TTC19: variants seen among roughly 807,000 people sequenced by gnomAD.
TTC19 encodes the protein tetratricopeptide repeat domain 19.
A neutral mutation model predicts 49.5 loss-of-function variants in TTC19; 38 were observed. The ratio of observed to expected loss-of-function variants is 0.77; its 90% CI spans 0.59 to 1.01. TTC19 has a LOEUF of 1.01. Among genes scored for constraint, TTC19 ranks in the 50% least tolerant of loss-of-function variants. The pLI is 0.00. For synonymous variants in TTC19, 204 were observed against 185.2 expected (o/e 1.10, Z -0.83); for missense variants, 475 against 477.7 (o/e 0.99, Z 0.05).
chr17:16,003,045 A>G (rs1970789197), intron 4 of TTC19, among the ~76,000 whole-genome samples: 2 of 152,220 alleles, frequency 1.3e-5, no homozygotes, highest in South Asian at 4.1e-4. Flanking sequence ...TCTCTGATCC[A>G]GAAGTCCAGG....
chr17:16,029,224 G>C lies in TTC19; in HGVS notation c.*1702G>C. ...CCACAGTGACTCAGCTCATGGTCTC[G>C]TTGTTGGAAACACTAGGAGTTTTCA... is the stretch of plus-strand genomic sequence containing the variant. On this transcript the variant is annotated 3_prime_UTR_variant, in exon 10 of 10. Transcript: ENST00000261647. The C allele has an allele frequency of 4.4e-6, 2 of 453,702 alleles. No homozygotes were observed. Among genetic ancestry groups the C allele is most frequent in the South Asian group, 3.1e-5 (2 of 64,402 alleles). 28.1% of individuals were successfully genotyped at this position (453,702 alleles called of 1,614,324 possible).
intron 2 of TTC19, chr17:16,039,398 A>G (rs1405033895): frequency 6.3e-7 from 1 of 1,596,042 alleles, no homozygotes; most frequent in African/African-American, 1.3e-5. Flanking sequence ...TTTTTGGGGA[A>G]AAGCAGCAGA....
At chr17:16,000,341 A>G (rs1248339777) in intron 2 of TTC19, 96 bp downstream of exon 2, 1 of 1,546,420 alleles carries the variant, frequency 6.5e-7, no homozygotes. Flanking sequence ...GCCTCGCCGA[A>G]GAGTGGATGG....
At chr17:16,008,260 G>T (rs796781499) in intron 7 of TTC19, among the ~76,000 whole-genome samples, 1 of 152,138 alleles carries the variant, frequency 6.6e-6, no homozygotes, top group Non-Finnish European at 1.5e-5. Context: ...ATCTTGACTT[G>T]AAGTCTAATG....
At chr17:16,024,020 T>A (rs993038092) in intron 7 of TTC19, 9 of 152,246 alleles carry the variant, frequency 5.9e-5, no homozygotes, top group African/African-American at 2.2e-4. Flanking sequence ...TACCTCCTGC[T>A]GAGTTGTTGG....
intron 4 of TTC19, 73 bp downstream of exon 4, chr17:16,002,904 C>T (rs916788691): frequency 2.9e-5 from 40 of 1,367,642 alleles, no homozygotes; most frequent in African/African-American, 2.0e-4. Flanking sequence ...AGTAAGAGTA[C>T]AGGCTAAGCT....
chr17:16,042,857 G>C (rs1036490121), intron 2 of TTC19, among the ~76,000 whole-genome samples: 2 of 152,214 alleles, frequency 1.3e-5, no homozygotes, highest in African/African-American at 4.8e-5. Flanking sequence ...GGTCTGCAAA[G>C]ATATGTAAGT....
downstream of TTC19, chr17:16,032,500 T>A (rs566589378): frequency 1.3e-6 from 2 of 1,561,452 alleles, no homozygotes; most frequent in South Asian, 2.4e-5. Flanking sequence ...AAAGAAAAAT[T>A]AGGTTTTCAT....
intron 2 of TTC19, chr17:16,040,584 T>G: frequency 9.2e-7 from 1 of 1,087,562 alleles, no homozygotes. Context: ...ATAAAATTAA[T>G]CTTTTTATTT....
At chr17:16,003,536 T>C (rs764191494) in intron 4 of TTC19, among the ~76,000 whole-genome samples, 3 of 152,090 alleles carry the variant, frequency 2.0e-5, no homozygotes, top group Non-Finnish European at 4.4e-5. Context: ...AGAATGACTA[T>C]TAGGAGACAG....
intron 2 of TTC19, among the ~76,000 whole-genome samples, chr17:16,035,156 G>GCCTC (rs1973999562): frequency 6.6e-6 from 1 of 152,152 alleles, no homozygotes; most frequent in Admixed American, 6.5e-5. Context: ...GGATGGTCTT[G>GCCTC]CCTCCATGTT....
At chr17:16,030,295 C>A, downstream of TTC19, 1 of 224,864 alleles carries the variant, frequency 4.4e-6, no homozygotes, top group East Asian at 6.4e-5. Flanking sequence ...GTCTTGCTAT[C>A]TTGGGTGGCA....
At chr17:16,011,009 A>G (rs941014772) in intron 7 of TTC19, among the ~76,000 whole-genome samples, 2 of 152,126 alleles carry the variant, frequency 1.3e-5, no homozygotes, top group Non-Finnish European at 2.9e-5. Context: ...CTTCCTCTGA[A>G]GTTAACTAGG....
At chr17:16,031,962 T>C, downstream of TTC19, 1 of 306,334 alleles carries the variant, frequency 3.3e-6, no homozygotes, top group Non-Finnish European at 6.0e-6. Flanking sequence ...AAAAAGGTCA[T>C]CTATTTACAG....
chr17:16,044,678 G>C (rs911137166), exon 3 of TTC19: 4 of 669,978 alleles, frequency 6.0e-6, no homozygotes, highest in Middle Eastern at 3.7e-4. Flanking sequence ...GCATGACAAT[G>C]AGGTGACCAT....
intron 7 of TTC19, among the ~76,000 whole-genome samples, chr17:16,019,395 C>T (rs944853589): frequency 6.6e-6 from 1 of 152,166 alleles, no homozygotes; most frequent in Admixed American, 6.5e-5. Context: ...TGAATGGTAT[C>T]ATACTGTACA....
intron 7 of TTC19, among the ~76,000 whole-genome samples, chr17:16,014,260 G>C (rs1325671557): frequency 6.6e-6 from 1 of 152,180 alleles, no homozygotes; most frequent in Non-Finnish European, 1.5e-5. Context: ...TTCTAACCCA[G>C]TCCTTGGCAA....
chr17:16,043,779 A>C (rs1239467722), intron 2 of TTC19, among the ~76,000 whole-genome samples: 1 of 152,238 alleles, frequency 6.6e-6, no homozygotes, highest in Non-Finnish European at 1.5e-5. Flanking sequence ...AGAGAAATTG[A>C]AAACAAGAGT....
intron 2 of TTC19, among the ~76,000 whole-genome samples, chr17:16,038,629 G>C (rs1370438258): frequency 6.6e-6 from 1 of 151,942 alleles, no homozygotes; most frequent in South Asian, 2.1e-4. Flanking sequence ...TAGAGACGGG[G>C]TTTTCATCAT....
Sources: allele counts gnomAD v4.1 joint callset (sites outside exome capture counted in the v4.1 genomes callset), GRCh38; gene constraint gnomAD v4.1.1; transcripts MANE v1.5; gene names NCBI Gene and HGNC (gene_info 2026-07-23, HGNC 2026-07-21).